The following SHANK2 variants were observed in gnomAD, a reference collection of about 807,000 sequenced individuals.
SHANK2 encodes SH3 and multiple ankyrin repeat domains protein 2.
SHANK2 carries 43 observed loss-of-function variants against 133.7 expected under a neutral mutation model. The ratio of observed to expected loss-of-function variants is 0.32; its 90% CI spans 0.25 to 0.41. The LOEUF (loss-of-function observed/expected upper bound fraction) is 0.41. Ranked by LOEUF, SHANK2 falls within the 10% of genes least tolerant of loss-of-function variation. The probability of loss-of-function intolerance (pLI) is 1.00; values close to 1 mark genes in which losing one functional copy is unlikely to be tolerated. For synonymous variants in SHANK2, 1,017 were observed against 952.8 expected (o/e 1.07, Z -1.24); for missense variants, 1,994 against 2,235.8 (o/e 0.89, Z 2.18).
chr11:70,492,788 T>TTG (rs2058911159), intron 21 of SHANK2, among the ~76,000 whole-genome samples: 1 of 4,904 alleles, frequency 2.0e-4, no homozygotes, highest in Non-Finnish European at 1.6e-3. Context: ...CATTTCTGTG[T>TTG]TTTTTTTTTT....
intron 6 of SHANK2, among the ~76,000 whole-genome samples, chr11:71,104,540 G>C (rs1555097390): frequency 6.6e-6 from 1 of 152,254 alleles, no homozygotes; most frequent in Non-Finnish European, 1.5e-5. Flanking sequence ...CCTCTCGTTG[G>C]AACTTGCGTT....
chr11:71,156,653 C>T (rs1201703686), intron 2 of SHANK2, among the ~76,000 whole-genome samples: 1 of 152,220 alleles, frequency 6.6e-6, no homozygotes, highest in Non-Finnish European at 1.5e-5. Flanking sequence ...ATACACCCTC[C>T]AACCCTCCTC....
At chr11:70,870,510 C>T (rs1417109359) in intron 11 of SHANK2, among the ~76,000 whole-genome samples, 3 of 152,136 alleles carry the variant, frequency 2.0e-5, no homozygotes, top group Non-Finnish European at 4.4e-5. Flanking sequence ...GCTCCTGTAA[C>T]CACAGCCTGG....
chr11:70,758,524 G>A (rs1555039482), intron 14 of SHANK2, among the ~76,000 whole-genome samples: 2 of 152,224 alleles, frequency 1.3e-5, no homozygotes, highest in Non-Finnish European at 2.9e-5. Context: ...TAATCGAGCT[G>A]AATAGAGCTG....
At chr11:71,244,365 C>G (rs1954933667) in intron 1 of SHANK2, among the ~76,000 whole-genome samples, 1 of 152,242 alleles carries the variant, frequency 6.6e-6, no homozygotes, top group South Asian at 2.1e-4. Context: ...ATGCATCATT[C>G]AAAGCACCCT....
In SHANK2 at chr11:70,487,008, G is replaced by A; in HGVS notation, c.3285C>T (p.Ala1095=). ...AVRDREKRLE[A]RRNSPAFLST... is the part of the protein sequence containing the mutation. ...AGAGGAAGGCCGGGGAGTTCCTCCT[G>A]GCTTCCAGCCGCTTCTCACGGTCGC... is the stretch of plus-strand genomic sequence containing the variant. Residue 1095 remains alanine, a synonymous_variant, in exon 25 of 26, where the codon GCC becomes GCT. Coordinates refer to ENST00000601538, the MANE Select transcript of SHANK2 (RefSeq NM_012309.5). This position sits in a 1 kb window ranked among gnomAD's most constrained non-coding sequence, Gnocchi z 5.8. The A allele has an allele frequency of 6.2e-7, 1 of 1,610,658 alleles. No homozygotes were observed. The highest frequency in any genetic ancestry group is 2.2e-5 in the East Asian group (1 of 44,850).
At chr11:70,596,077 A>G (rs782043769) in intron 17 of SHANK2, among the ~76,000 whole-genome samples, 77 of 152,170 alleles carry the variant, frequency 5.1e-4, no homozygotes, top group Non-Finnish European at 8.7e-4. Flanking sequence ...GAGCCTCCAG[A>G]GGGAGTCCAC....
intron 10 of SHANK2, chr11:70,950,106 G>A (rs1950811007): frequency 2.2e-6 from 1 of 456,334 alleles, no homozygotes; most frequent in African/African-American, 2.0e-5. Context: ...TACCTAGACT[G>A]GAATGCAATG....
At chr11:70,793,895 C>CA (rs1184609356) in intron 14 of SHANK2, among the ~76,000 whole-genome samples, 2 of 152,136 alleles carry the variant, frequency 1.3e-5, no homozygotes, top group African/African-American at 4.8e-5. Context: ...TCATATTAGC[C>CA]AAAACTGAGA....
intron 17 of SHANK2, among the ~76,000 whole-genome samples, chr11:70,532,333 C>G (rs1321728632): frequency 6.6e-6 from 1 of 152,144 alleles, no homozygotes; most frequent in East Asian, 1.9e-4. Context: ...GGGTGGTGTT[C>G]AAGTCCACTC....
At chr11:71,124,113 ATGATGGTGATGGTGAT>A (rs1565464676) in intron 3 of SHANK2, among the ~76,000 whole-genome samples, 1 of 142,244 alleles carries the variant, frequency 7.0e-6, no homozygotes, top group East Asian at 2.2e-4. Context: ...CATGATGGTG[ATGATGGTGATGGTGAT>A]TGATGGTGAT....
chr11:70,560,333 C>T (rs1182646629), intron 17 of SHANK2, among the ~76,000 whole-genome samples: 1 of 152,042 alleles, frequency 6.6e-6, no homozygotes, highest in African/African-American at 2.4e-5. Flanking sequence ...AAAAGATGTG[C>T]CAAGACCTGT....
chr11:70,701,656 G>A (rs933158507), intron 14 of SHANK2, among the ~76,000 whole-genome samples: 31 of 151,980 alleles, frequency 2.0e-4, no homozygotes, highest in East Asian at 5.8e-4. Context: ...CACCTGCCTC[G>A]GCCTCCCAAA....
intron 17 of SHANK2, among the ~76,000 whole-genome samples, chr11:70,652,225 G>T (rs1344078509): frequency 1.3e-5 from 2 of 152,230 alleles, no homozygotes; most frequent in South Asian, 2.1e-4. Context: ...GCCTGCCAGG[G>T]ACTTTGGAGG....
intron 17 of SHANK2, among the ~76,000 whole-genome samples, chr11:70,640,696 AG>A (rs1263132613): frequency 2.6e-5 from 4 of 152,220 alleles, no homozygotes; most frequent in African/African-American, 9.6e-5. Flanking sequence ...ATGCCCAGTC[AG>A]GATCCCTCCC....
chr11:70,922,651 G>T (rs1555080904), intron 10 of SHANK2, among the ~76,000 whole-genome samples: 1 of 151,932 alleles, frequency 6.6e-6, no homozygotes, highest in African/African-American at 2.4e-5. Flanking sequence ...TGACATTTTT[G>T]GAAAAATCAA....
intron 17 of SHANK2, chr11:70,647,672 G>A (rs1389776201): frequency 6.6e-6 from 1 of 152,258 alleles, no homozygotes; most frequent in African/African-American, 2.4e-5. Context: ...GCTGTTCGGA[G>A]TCTTATTTGC....
At chr11:71,094,371 C>G (rs1274115284) in intron 7 of SHANK2, among the ~76,000 whole-genome samples, 166 bp downstream of exon 7, 1 of 152,014 alleles carries the variant, frequency 6.6e-6, no homozygotes, top group Non-Finnish European at 1.5e-5. Context: ...AATCTGAAAC[C>G]TGGCTTCACT....
At chr11:70,748,993 T>TCA (rs1164132864) in intron 14 of SHANK2, among the ~76,000 whole-genome samples, 2 of 125,338 alleles carry the variant, frequency 1.6e-5, no homozygotes, top group African/African-American at 6.5e-5. Flanking sequence ...ATCCCCCCCA[T>TCA]CACACACACA....
Sources: allele counts gnomAD v4.1 joint callset (sites outside exome capture counted in the v4.1 genomes callset), GRCh38; gene constraint gnomAD v4.1.1; non-coding constraint Gnocchi (gnomAD v3.1); transcripts MANE v1.5; gene names NCBI Gene and HGNC (gene_info 2026-07-23, HGNC 2026-07-21).